The following EDRF1 variants were observed in gnomAD, a reference collection of about 807,000 sequenced individuals.
EDRF1 encodes the protein erythroid differentiation-related factor 1.
Under a neutral mutation model 148.7 loss-of-function variants are expected in EDRF1, and 69 were observed. The ratio of observed to expected loss-of-function variants is 0.46; its 90% CI spans 0.38 to 0.57. The LOEUF (loss-of-function observed/expected upper bound fraction) is 0.57. Among genes scored for constraint, EDRF1 ranks in the 20% least tolerant of loss-of-function variants. The probability of loss-of-function intolerance (pLI) is 0.00; values close to 1 mark genes in which losing one functional copy is unlikely to be tolerated. For synonymous variants in EDRF1, 515 were observed against 532.8 expected, an observed-to-expected ratio of 0.97 and a Z score of 0.46; for missense variants, 1,118 against 1,478.7, an observed-to-expected ratio of 0.76 and a Z score of 4.00.
At chr10:125,734,024 A>C in intron 11 of EDRF1, 48 bp from the exon 12 acceptor site, 1 of 1,441,826 alleles carries the variant, frequency 6.9e-7, no homozygotes, top group Non-Finnish European at 9.8e-7. Context: ...TGAGTCTTGC[A>C]GACAACGATG....
At chr10:125,736,053 G>A (rs1848713957) in intron 13 of EDRF1, 149 bp downstream of exon 13, 1 of 866,078 alleles carries the variant, frequency 1.2e-6, no homozygotes, top group Admixed American at 2.7e-5. Context: ...TCTTAAAGTT[G>A]GTTTTATAAT....
At chr10:125,738,076 T>G (rs1440196297) in intron 14 of EDRF1, 87 bp downstream of exon 14, 1 of 1,430,136 alleles carries the variant, frequency 7.0e-7, no homozygotes, top group African/African-American at 1.4e-5. Context: ...CTAAATGTTA[T>G]TCTGAATTGT....
At position 125,719,877 on chromosome 10, in the gene EDRF1, C is replaced by A. The variant is rs1402191202; in HGVS notation, c.70C>A (p.Leu24Ile). 2 of 1,613,208 alleles carry A rather than the reference C, an allele frequency of 1.2e-6. No individual in the cohort carries two copies. The highest frequency in any genetic ancestry group is 1.7e-6 in the Non-Finnish European group (2 of 1,179,884). The change falls in exon 1 of 25, where the codon CTC (leucine) becomes ATC (isoleucine). Residue 24 changes from leucine (L) to isoleucine (I), a missense_variant. Transcript: ENST00000356792. ...GGCCGCCGCTCGAGGAGGGCTCAGCCTCCTGTCCCAGGGAGAATCCGAGGA... is the reference window on the plus strand; with the variant it reads ...GGCCGCCGCTCGAGGAGGGCTCAGCATCCTGTCCCAGGGAGAATCCGAGGA... ...AGAAARGGLS[L>I]LSQGESEESS...
chr10:125,763,136 T>A lies in EDRF1; in HGVS notation c.3546-165T>A, dbSNP rs1850262215. 1.3e-5 allele frequency among the ~76,000 whole-genome samples: 2 copies of A among 152,158 alleles called. No homozygotes were observed. Among genetic ancestry groups the A allele is most frequent in the South Asian group, 4.1e-4 (2 of 4,830 alleles). On this transcript the variant is annotated intron_variant, in intron 24 of 24. Coordinates refer to ENST00000356792, the MANE Select transcript of EDRF1 (RefSeq NM_001202438.2). This position sits in a 1 kb window ranked among gnomAD's most constrained non-coding sequence, Gnocchi z 4.3. ...AAATAAATGTGTAGAAACAGGCCCA[T>A]GAGCAATATGTAAAAGAAGGCAGGT...
chr10:125,737,859 C>A, intron 13 of EDRF1, 59 bp from the exon 14 acceptor site: 1 of 1,500,286 alleles, frequency 6.7e-7, no homozygotes, highest in Non-Finnish European at 9.3e-7. Flanking sequence ...TCAACAAAAA[C>A]AATATGTTGA....
chr10:125,749,118 G>A, intron 21 of EDRF1: 2 of 412,964 alleles, frequency 4.8e-6, no homozygotes, highest in East Asian at 1.0e-4. Flanking sequence ...GTAGTGGCGG[G>A]TGCCTGTAAT....
chr10:125,750,321 G>C (rs1025560988), intron 22 of EDRF1: 1 of 152,334 alleles, frequency 6.6e-6, no homozygotes, highest in Non-Finnish European at 1.5e-5. Context: ...TAAGTCGGGA[G>C]ATAGAGAAGG....
At chr10:125,737,756 G>A (rs1451565235) in intron 13 of EDRF1, among the ~76,000 whole-genome samples, 162 bp from the exon 14 acceptor site, 1 of 152,150 alleles carries the variant, frequency 6.6e-6, no homozygotes, top group Non-Finnish European at 1.5e-5. Context: ...TAATAGAATT[G>A]TATTTAAAAT....
intron 14 of EDRF1, 107 bp from the exon 15 acceptor site, chr10:125,738,188 G>A (rs993231926): frequency 2.0e-6 from 3 of 1,465,938 alleles, no homozygotes; most frequent in African/African-American, 2.8e-5. Context: ...CTGTTTGTGA[G>A]ATGGAAATTT....
chr10:125,719,857 C>G lies in EDRF1; in HGVS notation c.50C>G (p.Ala17Gly). 1 of 1,612,874 alleles carries G rather than the reference C, an allele frequency of 6.2e-7. No individual in the cohort carries two copies. ...GCCGAGGGTCCGCCGGCCGGGGCCGCCGCTCGAGGAGGGCTCAGCCTCCTG... is the reference window on the plus strand; with the variant it reads ...GCCGAGGGTCCGCCGGCCGGGGCCGGCGCTCGAGGAGGGCTCAGCCTCCTG... ...AGAEGPPAGAAARGGLSLLSQ... is the reference protein window; with the variant it reads ...AGAEGPPAGAGARGGLSLLSQ... Residue 17 changes from alanine to glycine, a missense_variant, in exon 1 of 25, where the codon GCC (alanine) becomes GGC (glycine). Ala to Gly is a moderately conservative substitution (Grantham distance 60, BLOSUM62 0). Around this residue, in one of 3 missense-constraint regions of EDRF1, gnomAD observed 65 missense variants for 50.3 expected, o/e 1.29. Coordinates refer to ENST00000356792, the MANE Select transcript of EDRF1 (RefSeq NM_001202438.2).
chr10:125,730,766 G>A (rs565113548), intron 9 of EDRF1, among the ~76,000 whole-genome samples: 2 of 152,296 alleles, frequency 1.3e-5, no homozygotes, highest in Admixed American at 6.5e-5. Context: ...GAAAGGTCTT[G>A]TAAAAATTGC....
chr10:125,755,854 G>C (rs893164843), intron 24 of EDRF1, among the ~76,000 whole-genome samples: 4 of 152,040 alleles, frequency 2.6e-5, no homozygotes, highest in African/African-American at 9.7e-5. Context: ...GGTCATTCTA[G>C]CTAGAAGTTT....
In EDRF1 at chr10:125,762,117, A is replaced by G. The variant is rs1456441421; in HGVS notation, c.3546-1184A>G. On this transcript the variant is annotated intron_variant, in intron 24 of 24. Transcript: ENST00000356792. ...GAAATGTCTAAAGGCAGCGATGGGG[A>G]TCCTGTGGAGGAGGAATGGAGCCAG... is the stretch of plus-strand genomic sequence containing the variant. Among the ~76,000 whole-genome samples, 6 of 152,220 alleles carry G rather than the reference A, an allele frequency of 3.9e-5. No individual in the cohort carries two copies. In the East Asian group the frequency reaches 9.7e-4, roughly 24 times the overall value.
chr10:125,727,013 T>C (rs1848284534), intron 6 of EDRF1, among the ~76,000 whole-genome samples: 2 of 145,460 alleles, frequency 1.4e-5, no homozygotes, highest in Admixed American at 6.9e-5. Flanking sequence ...ATAGCTCTTA[T>C]GCCATGTGTA....
At chr10:125,735,134 T>A (rs1564738022) in intron 12 of EDRF1, among the ~76,000 whole-genome samples, 2 of 152,140 alleles carry the variant, frequency 1.3e-5, no homozygotes, top group Non-Finnish European at 2.9e-5. Context: ...GGTTAAATGG[T>A]CATATATAAA....
chr10:125,741,237 G>C (rs563732359), intron 17 of EDRF1, 36 bp downstream of exon 17: 2 of 1,564,188 alleles, frequency 1.3e-6, no homozygotes, highest in South Asian at 2.2e-5. Flanking sequence ...GTTCACAGTG[G>C]GACTGTGCAG....
chr10:125,734,524 C>T (rs191964761), intron 12 of EDRF1, among the ~76,000 whole-genome samples: 2 of 152,210 alleles, frequency 1.3e-5, no homozygotes, highest in South Asian at 2.1e-4. Flanking sequence ...GTATGTGACT[C>T]ATGTTACATT....
chr10:125,720,354 G>A (rs1169477484), intron 1 of EDRF1, among the ~76,000 whole-genome samples: 2 of 152,178 alleles, frequency 1.3e-5, no homozygotes, highest in African/African-American at 4.8e-5. Context: ...CAGGCTGTGA[G>A]GAACGAACCC....
intron 13 of EDRF1, among the ~76,000 whole-genome samples, chr10:125,737,482 C>T (rs929673146): frequency 5.3e-5 from 8 of 152,160 alleles, no homozygotes; most frequent in African/African-American, 1.9e-4. Context: ...TCCAACCCCA[C>T]GGGATTCAGC....
Sources: allele counts gnomAD v4.1 joint callset (sites outside exome capture counted in the v4.1 genomes callset), GRCh38; gene constraint gnomAD v4.1.1; regional missense constraint gnomAD v4.1.1; non-coding constraint Gnocchi (gnomAD v3.1); transcripts MANE v1.5; gene names NCBI Gene and HGNC (gene_info 2026-07-23, HGNC 2026-07-21).